Variants in PDYN observed in about 807,000 individuals in gnomAD.
The protein encoded by PDYN is proenkephalin-B.
A neutral mutation model predicts 11.4 loss-of-function variants in PDYN; 5 were observed. The ratio of observed to expected loss-of-function variants is 0.44; its 90% CI spans 0.23 to 0.92. The LOEUF is 0.92. Ranked by LOEUF, PDYN falls within the 40% of genes least tolerant of loss-of-function variation. The pLI is 0.24. For missense variants in PDYN, 337 were observed against 317.3 expected (o/e 1.06, Z -0.47); for synonymous variants, 132 against 129.5 (o/e 1.02, Z -0.13).
intron 2 of PDYN, among the ~76,000 whole-genome samples, chr20:1,985,768 CTT>C (rs1345362906): frequency 1.3e-5 from 2 of 152,210 alleles, no homozygotes; most frequent in African/African-American, 4.8e-5. Context: ...CCTCCTGTGT[CTT>C]TCTCTTCCCC....
Position 1,982,966 on chromosome 20 carries a change from A to G in PDYN, c.119T>C (p.Ile40Thr), listed in dbSNP as rs766982488. The change falls in exon 3 of 4, where the codon ATC becomes ACC. Residue 40 changes from isoleucine to threonine, a missense_variant. Transcript: ENST00000217305. Reference sequence around the variant, plus strand: ...TTGCCTGAAACCTACCAGGGGATTGATAGGTTTGGGACCATCCTGGGTCTT... The same window carrying G: ...TTGCCTGAAACCTACCAGGGGATTGGTAGGTTTGGGACCATCCTGGGTCTT... ...AVKTQDGPKP[I>T]NPLICSLQCQ... The G allele has an allele frequency of 6.2e-7, 1 of 1,613,712 alleles. No homozygotes were observed. Among genetic ancestry groups the G allele is most frequent in the East Asian group, 2.2e-5 (1 of 44,880 alleles).
intron 2 of PDYN, among the ~76,000 whole-genome samples, chr20:1,988,700 A>G (rs937154546): frequency 6.6e-6 from 1 of 152,188 alleles, no homozygotes; most frequent in Non-Finnish European, 1.5e-5. Flanking sequence ...TGCACTTGGC[A>G]GTTTGTGAAG....
rs1260626656 is a variant in PDYN, at chr20:1,979,239, GC to G, written c.*1083del. The G allele has an allele frequency of 6.6e-6, 1 of 152,346 alleles. No individual in the cohort carries two copies. Among genetic ancestry groups the G allele is most frequent in the Non-Finnish European group, 1.5e-5 (1 of 68,132 alleles). The allele number at this position is 152,346 out of a possible 1,614,324, so 9.4% of individuals were successfully genotyped here. On this transcript the variant is annotated 3_prime_UTR_variant, in exon 4 of 4. Transcript: ENST00000217305. ...AGAAGCATTATGGGGATTGAAGAGG[GC>G]TTTTTCTCTTTCTAGCTGCTGCTTC...
intron 2 of PDYN, among the ~76,000 whole-genome samples, chr20:1,984,050 C>T (rs894018883): frequency 6.6e-6 from 1 of 152,198 alleles, no homozygotes; most frequent in African/African-American, 2.4e-5. Context: ...AGGTGAGCTG[C>T]TCCTCCTTTC....
At chr20:1,981,060 G>C (rs754696196) in intron 3 of PDYN, 102 bp from the exon 4 acceptor site, 7 of 1,297,160 alleles carry the variant, frequency 5.4e-6, no homozygotes, top group Non-Finnish European at 7.7e-6. Flanking sequence ...CAAAATGAAC[G>C]CCACTGCTAA....
At chr20:1,989,002 G>C (rs1600529415) in intron 2 of PDYN, among the ~76,000 whole-genome samples, 1 of 152,308 alleles carries the variant, frequency 6.6e-6, no homozygotes, top group African/African-American at 2.4e-5. Context: ...CTGAAACAGA[G>C]ACTGTAGGGC....
At chr20:1,988,871 C>T (rs1025012822) in intron 2 of PDYN, among the ~76,000 whole-genome samples, 1 of 152,188 alleles carries the variant, frequency 6.6e-6, no homozygotes, top group Non-Finnish European at 1.5e-5. Flanking sequence ...TCTCTTTCTG[C>T]GGATAGGCAC....
Position 1,983,109 on chromosome 20 carries a change from G to T in PDYN, c.-19-6C>A, listed in dbSNP as rs758598333. ...TCCTGTCTCAGCAATTCCTGCTGGG[G>T]AGGAAGAAAGAGAAGATAATGAAAT... On this transcript the variant is annotated splice_region_variant and splice_polypyrimidine_tract_variant and intron_variant, in intron 2 of 3. Coordinates refer to ENST00000217305, the MANE Select transcript of PDYN (RefSeq NM_024411.5). 6.2e-7 allele frequency: 1 copy of T among 1,609,398 alleles called. No homozygotes were observed. The highest frequency in any genetic ancestry group is 8.5e-7 in the Non-Finnish European group (1 of 1,178,130).
chr20:1,982,863 C>A, intron 3 of PDYN, 93 bp downstream of exon 3: 1 of 1,373,700 alleles, frequency 7.3e-7, no homozygotes, highest in East Asian at 2.3e-5. Flanking sequence ...TACAAGACAG[C>A]ACACAGCTGC....
chr20:1,980,366 T>C lies in PDYN; in HGVS notation c.722A>G (p.Gln241Arg), dbSNP rs765717158. The change falls in exon 4 of 4, where the codon CAG becomes CGG. Residue 241 changes from glutamine to arginine, a missense_variant. Transcript: ENST00000217305. ...RRQFKVVTRS[Q>R]EDPNAYSGEL... ...TCCAGAGTAAGCATTCGGATCTTCCTGAGACCGAGTCACCACCTTGAACTG... is the reference window on the plus strand; with the variant it reads ...TCCAGAGTAAGCATTCGGATCTTCCCGAGACCGAGTCACCACCTTGAACTG... 2.5e-6 allele frequency: 4 copies of C among 1,614,142 alleles called. No homozygotes were observed. In the South Asian group the frequency reaches 3.3e-5, roughly 13 times the overall value.
intron 3 of PDYN, among the ~76,000 whole-genome samples, chr20:1,982,245 A>G (rs570207017): frequency 6.6e-6 from 1 of 152,328 alleles, no homozygotes; most frequent in Admixed American, 6.5e-5. Context: ...CTACTGAGTG[A>G]GACCCTGTCT....
chr20:1,983,954 C>G (rs929014067), intron 2 of PDYN, among the ~76,000 whole-genome samples: 1 of 152,080 alleles, frequency 6.6e-6, no homozygotes, highest in East Asian at 1.9e-4. Context: ...CCTGGAGAAC[C>G]CTTCATCTCC....
At position 1,980,382 on chromosome 20, in the gene PDYN, C is replaced by T. The variant is rs749248898; in HGVS notation, c.706G>A (p.Val236Met). Residue 236 changes from valine to methionine, a missense_variant, in exon 4 of 4, where the codon GTG becomes ATG. Coordinates refer to ENST00000217305, the MANE Select transcript of PDYN (RefSeq NM_024411.5). The part of the protein sequence containing the change: ...YGGFLRRQFK[V>M]VTRSQEDPNA... ...GGATCTTCCTGAGACCGAGTCACCA[C>T]CTTGAACTGGCGCCGGAGAAAACCG... The T allele has an allele frequency of 1.2e-6, 2 of 1,614,164 alleles. No individual in the cohort carries two copies. Among genetic ancestry groups the T allele is most frequent in the Admixed American group, 1.7e-5 (1 of 60,020 alleles).
Position 1,980,577 on chromosome 20 carries a change from G to A in PDYN, c.511C>T (p.Gln171Ter), listed in dbSNP as rs1401075868. 1.9e-6 allele frequency: 3 copies of A among 1,614,058 alleles called. No individual in the cohort carries two copies. In the South Asian group the frequency reaches 3.3e-5, roughly 18 times the overall value. The change falls in exon 4 of 4, where the codon CAG (glutamine) becomes TAG (stop). Residue 171 changes from glutamine to a stop codon, truncating the protein, a stop_gained. Transcript: ENST00000217305. LOFTEE classifies it high-confidence loss of function. ...LYLAEEDPKEQVKRYGGFLRK... is the reference protein window; with the variant it reads ...LYLAEEDPKE ...AAAAAGCCCCCATAGCGTTTGACCT[G>A]CTCCTTGGGGTCCTCCTCAGCGAGA...
At chr20:1,988,681 A>G (rs1600528741) in intron 2 of PDYN, among the ~76,000 whole-genome samples, 1 of 152,178 alleles carries the variant, frequency 6.6e-6, no homozygotes, top group Non-Finnish European at 1.5e-5. Flanking sequence ...CACACAAGGA[A>G]AAGTCCTTTG....
intron 2 of PDYN, among the ~76,000 whole-genome samples, chr20:1,983,852 G>A (rs1381917868): frequency 2.0e-5 from 3 of 152,168 alleles, no homozygotes; most frequent in Non-Finnish European, 4.4e-5. Flanking sequence ...CTTCAGCTCT[G>A]GGCTCCAACC....
rs774940143 is a variant in PDYN, at chr20:1,980,599, G to A, written c.489C>T (p.Leu163=). The part of the protein sequence containing the change: ...DGAMETGTLY[L]AEEDPKEQVK... ...CCTGCTCCTTGGGGTCCTCCTCAGC[G>A]AGATAGAGTGTGCCAGTCTCCATGG... Residue 163 remains leucine (L), a synonymous_variant, in exon 4 of 4, where the codon CTC becomes CTT. Coordinates refer to ENST00000217305, the MANE Select transcript of PDYN (RefSeq NM_024411.5). The A allele has an allele frequency of 1.2e-6, 2 of 1,614,134 alleles. No individual in the cohort carries two copies. Among genetic ancestry groups the A allele is most frequent in the Non-Finnish European group, 1.7e-6 (2 of 1,180,030 alleles).
At chr20:1,986,190 C>T (rs1390507861) in intron 2 of PDYN, among the ~76,000 whole-genome samples, 5 of 152,222 alleles carry the variant, frequency 3.3e-5, no homozygotes, top group African/African-American at 9.6e-5. Flanking sequence ...GCCCACTTTA[C>T]AGATGAGGAA....
Position 1,979,123 on chromosome 20 carries a change from A to G in PDYN, c.*1200T>C, listed in dbSNP as rs1179115419. The G allele has an allele frequency of 6.6e-6, 1 of 152,208 alleles. No individual in the cohort carries two copies. The highest frequency in any genetic ancestry group is 1.5e-5 in the Non-Finnish European group (1 of 68,044). The allele number at this position is 152,208 out of a possible 1,614,324, so 9.4% of individuals were successfully genotyped here. On this transcript the variant is annotated 3_prime_UTR_variant, in exon 4 of 4. Coordinates refer to ENST00000217305, the MANE Select transcript of PDYN (RefSeq NM_024411.5). ...ATCAGGAGGTCTCTGCCTCTGATTCAGGGTTATTTGAATCAAGGGAACTCA... is the reference window on the plus strand; with the variant it reads ...ATCAGGAGGTCTCTGCCTCTGATTCGGGGTTATTTGAATCAAGGGAACTCA...
Sources: gnomAD v4.1 joint callset for allele counts (sites outside exome capture counted in the v4.1 genomes callset) on GRCh38, gnomAD v4.1.1 for gene constraint, MANE v1.5 for transcripts, NCBI Gene and HGNC (gene_info 2026-07-23, HGNC 2026-07-21) for gene names.